DPYSL2: variants seen among roughly 807,000 people sequenced by gnomAD.
DPYSL2 encodes dihydropyrimidinase like 2, also known as dihydropyrimidinase-related protein 2.
Under a neutral mutation model 69.9 loss-of-function variants are expected in DPYSL2, and 13 were observed. The ratio of observed to expected loss-of-function variants is 0.19; its 90% CI spans 0.12 to 0.30. The LOEUF (loss-of-function observed/expected upper bound fraction) is 0.30. Ranked by LOEUF, DPYSL2 falls within the 10% of genes least tolerant of loss-of-function variation. The pLI, the probability that DPYSL2 is intolerant of heterozygous loss-of-function variation, is 1.00. For synonymous variants in DPYSL2, 326 were observed against 359.1 expected (o/e 0.91, Z 1.04); for missense variants, 587 against 918.9 (o/e 0.64, Z 4.67).
chr8:26,614,555 C>G lies in DPYSL2; in HGVS notation c.629-9588C>G, dbSNP rs1802305592. Among the ~76,000 whole-genome samples the G allele has an allele frequency of 6.6e-6, 1 of 152,146 alleles. No homozygotes were observed. Among genetic ancestry groups the G allele is most frequent in the Non-Finnish European group, 1.5e-5 (1 of 68,026 alleles). ...ACCTCTTTGTTTCCTCCAAAGTTGG[C>G]CGATCACCAGATCACTTAAAGGAGG... On this transcript the variant is annotated intron_variant, in intron 3 of 13. Coordinates refer to ENST00000521913, the MANE Select transcript of DPYSL2 (RefSeq NM_001197293.3). This position sits in a 1 kb window ranked among gnomAD's most constrained non-coding sequence, Gnocchi z 4.9.
chr8:26,577,534 G>GGCGGGCAGGGACCGGGGC (rs1801380050), intron 1 of DPYSL2, among the ~76,000 whole-genome samples: 2 of 149,008 alleles, frequency 1.3e-5, no homozygotes, highest in Non-Finnish European at 3.0e-5. Flanking sequence ...TTGGCGCGCA[G>GGCGGGCAGGGACCGGGGC]GCGGGCAGGG....
At chr8:26,594,819 T>A (rs1418215914) in intron 3 of DPYSL2, among the ~76,000 whole-genome samples, 1 of 152,224 alleles carries the variant, frequency 6.6e-6, no homozygotes, top group African/African-American at 2.4e-5. Flanking sequence ...TCAAGGATTG[T>A]TTCAACTTCA....
intron 1 of DPYSL2, among the ~76,000 whole-genome samples, chr8:26,529,242 A>G (rs1800449329): frequency 2.4e-5 from 2 of 83,588 alleles, no homozygotes; most frequent in South Asian, 6.9e-4. Flanking sequence ...AAATCTATCT[A>G]TCTATCTATC....
rs1218158946 is a variant in DPYSL2 at position 26,560,124 on chromosome 8, C to T, written c.355-21845C>T. ...GATATGCTAAGCAGAGTTGGTTTAG[C>T]AGAAGACAGGGTGTAATAATTAATC... On this transcript the variant is annotated intron_variant, in intron 1 of 13. Coordinates refer to ENST00000521913, the MANE Select transcript of DPYSL2 (RefSeq NM_001197293.3). The surrounding 1 kb of genome is among the most constrained non-coding windows in gnomAD (Gnocchi z 4.4). Among the ~76,000 whole-genome samples, 2 of 152,156 alleles carry T rather than the reference C, an allele frequency of 1.3e-5. No individual in the cohort carries two copies. The highest frequency in any genetic ancestry group is 2.9e-5 in the Non-Finnish European group (2 of 68,022).
At chr8:26,578,689 G>GA (rs1801416961) in intron 1 of DPYSL2, among the ~76,000 whole-genome samples, 1 of 152,236 alleles carries the variant, frequency 6.6e-6, no homozygotes, top group Non-Finnish European at 1.5e-5. Context: ...GACTCCTCCA[G>GA]CAGCGATGGG....
At chr8:26,645,273 C>T (rs1446768136) in intron 10 of DPYSL2, among the ~76,000 whole-genome samples, 1 of 152,012 alleles carries the variant, frequency 6.6e-6, no homozygotes, top group Non-Finnish European at 1.5e-5. Context: ...GTGGCAGGTG[C>T]CTGTAGTCCC....
At chr8:26,527,943 C>T (rs900115324) in intron 1 of DPYSL2, among the ~76,000 whole-genome samples, 3 of 151,796 alleles carry the variant, frequency 2.0e-5, no homozygotes, top group African/African-American at 7.3e-5. Flanking sequence ...GCTGGGATTA[C>T]AGGCACGCGA....
intron 1 of DPYSL2, among the ~76,000 whole-genome samples, chr8:26,521,222 C>CTT (rs1483408198): frequency 6.6e-6 from 1 of 152,296 alleles, no homozygotes; most frequent in African/African-American, 2.4e-5. Flanking sequence ...GTGCAAGTGC[C>CTT]TGGTCTTAAA....
At chr8:26,578,515 T>G in intron 1 of DPYSL2, 1 of 1,423,266 alleles carries the variant, frequency 7.0e-7, no homozygotes, top group Non-Finnish European at 9.1e-7. Context: ...GGAGCGCGAG[T>G]GCACGAAGGT....
intron 1 of DPYSL2, among the ~76,000 whole-genome samples, chr8:26,561,074 AG>A (rs1466092789): frequency 2.0e-5 from 3 of 149,654 alleles, no homozygotes; most frequent in Admixed American, 6.6e-5. Context: ...GAGGGATGGG[AG>A]GGGGGTGAGT....
intron 1 of DPYSL2, 73 bp from the exon 2 acceptor site, chr8:26,581,896 T>C: frequency 1.8e-6 from 2 of 1,134,014 alleles, no homozygotes; most frequent in South Asian, 1.3e-5. Context: ...AATGTATCCT[T>C]AGCTCACATA....
rs1176016560 is a variant in DPYSL2, at chr8:26,605,774, A to G, written c.629-18369A>G. On this transcript the variant is annotated intron_variant, in intron 3 of 13. Coordinates refer to ENST00000521913, the MANE Select transcript of DPYSL2 (RefSeq NM_001197293.3). This position sits in a 1 kb window ranked among gnomAD's most constrained non-coding sequence, Gnocchi z 4.1. Reference sequence around the variant, plus strand: ...TAAAATTACTAGGAATTATAAGAATACATTCTTATATATGGAATCCAAGAA... The same window carrying G: ...TAAAATTACTAGGAATTATAAGAATGCATTCTTATATATGGAATCCAAGAA... 6.6e-6 allele frequency among the ~76,000 whole-genome samples: 1 copy of G among 152,196 alleles called. No homozygotes were observed. Among genetic ancestry groups the G allele is most frequent in the Non-Finnish European group, 1.5e-5 (1 of 68,042 alleles).
At chr8:26,601,202 A>C (rs925025199) in intron 3 of DPYSL2, among the ~76,000 whole-genome samples, 3 of 152,138 alleles carry the variant, frequency 2.0e-5, no homozygotes, top group Non-Finnish European at 4.4e-5. Flanking sequence ...TCTGTAAGAT[A>C]GGGTGGGAAA....
chr8:26,582,994 T>G lies in DPYSL2; in HGVS notation c.444-805T>G, dbSNP rs1801522247. 6.6e-6 allele frequency among the ~76,000 whole-genome samples: 1 copy of G among 152,206 alleles called. No homozygotes were observed. Among genetic ancestry groups the G allele is most frequent in the Non-Finnish European group, 1.5e-5 (1 of 68,030 alleles). On this transcript the variant is annotated intron_variant, in intron 2 of 13. Transcript: ENST00000521913. The surrounding 1 kb of genome is among the most constrained non-coding windows in gnomAD (Gnocchi z 4.1). Reference sequence around the variant, plus strand: ...GCTCCAGGCTCTCAAATGCCATGACTTTGATGTTCCATTTTCCCCCAATTA... The same window carrying G: ...GCTCCAGGCTCTCAAATGCCATGACGTTGATGTTCCATTTTCCCCCAATTA...
Position 26,594,560 on chromosome 8 carries a change from A to G in DPYSL2, c.628+10577A>G, listed in dbSNP as rs1563401478. ...CTTGATATGACATCTGTCTGTACCTATGGTCTATCATCTCTATTTAATCCA... is the reference window on the plus strand; with the variant it reads ...CTTGATATGACATCTGTCTGTACCTGTGGTCTATCATCTCTATTTAATCCA... On this transcript the variant is annotated intron_variant, in intron 3 of 13. Transcript: ENST00000521913. Among the ~76,000 whole-genome samples, 4 of 152,238 alleles carry G rather than the reference A, an allele frequency of 2.6e-5. No homozygotes were observed. In the South Asian group the frequency reaches 6.2e-4, roughly 24 times the overall value.
At position 26,647,482 on chromosome 8, in the gene DPYSL2, C is replaced by T; in HGVS notation, c.1426-148C>T. 1 of 811,634 alleles carries T rather than the reference C, an allele frequency of 1.2e-6. No homozygotes were observed. The highest frequency in any genetic ancestry group is 2.0e-6 in the Non-Finnish European group (1 of 510,326). The allele number at this position is 811,634 out of a possible 1,614,324, so 50.3% of individuals were successfully genotyped here. A position where few individuals can be genotyped will look rare whatever the true frequency, so the allele number is the denominator to read the frequency against. On this transcript the variant is annotated intron_variant, in intron 10 of 13. Transcript: ENST00000521913. The surrounding 1 kb of genome is among the most constrained non-coding windows in gnomAD (Gnocchi z 5.1). ...AGAAATGGAGTCATACAGTGTGTGA[C>T]CTTTGAGACGGTTTGTGTTTCACTT... is the stretch of plus-strand genomic sequence containing the variant.
At chr8:26,515,643 T>C (rs1808272276) in intron 1 of DPYSL2, among the ~76,000 whole-genome samples, 1 of 152,258 alleles carries the variant, frequency 6.6e-6, no homozygotes, top group Non-Finnish European at 1.5e-5. Context: ...ACCACAATTC[T>C]TTCTTTATCT....
intron 7 of DPYSL2, among the ~76,000 whole-genome samples, chr8:26,632,972 C>T (rs1239064575): frequency 2.0e-5 from 3 of 152,216 alleles, no homozygotes; most frequent in Non-Finnish European, 4.4e-5. Flanking sequence ...GTTGTCTCAG[C>T]TCTGCTAAAT....
At chr8:26,636,988 C>T (rs998913292) in intron 8 of DPYSL2, among the ~76,000 whole-genome samples, 5 of 152,208 alleles carry the variant, frequency 3.3e-5, no homozygotes, top group African/African-American at 4.8e-5. Flanking sequence ...GTGATCTGCC[C>T]GCCTCGGTCT....
Sources: gnomAD v4.1 joint callset for allele counts (sites outside exome capture counted in the v4.1 genomes callset) on GRCh38, gnomAD v4.1.1 for gene constraint, Gnocchi (gnomAD v3.1) non-coding constraint, MANE v1.5 for transcripts, NCBI Gene and HGNC (gene_info 2026-07-23, HGNC 2026-07-21) for gene names.